AHNAK: variants seen among roughly 807,000 people sequenced by gnomAD.
AHNAK encodes the protein AHNAK nucleoprotein.
In AHNAK, 23 loss-of-function variants were observed where a neutral mutation model predicts 37.8. The ratio of observed to expected loss-of-function variants is 0.61; its 90% CI spans 0.44 to 0.86. The LOEUF is 0.86. AHNAK is among the 40% of genes least tolerant of loss of function. AHNAK has a pLI of 0.00. For missense variants in AHNAK, 7,411 were observed against 7,319.4 expected (o/e 1.01, Z -0.46); for synonymous variants, 2,481 against 2,636.3 (o/e 0.94, Z 1.80).
Position 62,520,148 on chromosome 11 carries a change from T to C in AHNAK, c.14269A>G (p.Ile4757Val), listed in dbSNP as rs1940181301. 1.2e-6 allele frequency: 2 copies of C among 1,613,046 alleles called. No homozygotes were observed. Among genetic ancestry groups the C allele is most frequent in the Non-Finnish European group, 1.7e-6 (2 of 1,179,790 alleles). Residue 4757 changes from isoleucine to valine, a missense_variant, in exon 5 of 5, where the codon ATC becomes GTC. By Grantham distance (29) the Ile-to-Val change is conservative. Coordinates refer to ENST00000378024, the MANE Select transcript of AHNAK (RefSeq NM_001620.3). ...EGDLKGPEAD[I>V]KGPKVDINTP... ...TTGATGTCCACTTTTGGGCCCTTGA[T>C]GTCAGCTTCTGGGCCCTTGAGGTCA...
intron 5 of AHNAK, among the ~76,000 whole-genome samples, chr11:62,472,467 AG>A (rs1481262499): frequency 6.6e-6 from 1 of 151,990 alleles, no homozygotes; most frequent in African/African-American, 2.4e-5. Flanking sequence ...AATGCCTGCC[AG>A]AAACCACCCC....
intron 1 of AHNAK, among the ~76,000 whole-genome samples, chr11:62,544,831 G>A (rs1173606703): frequency 6.6e-6 from 1 of 152,092 alleles, no homozygotes; most frequent in African/African-American, 2.4e-5. Context: ...CAGTATAGGT[G>A]CAGGGGCCCT....
Position 62,523,016 on chromosome 11 carries a change from G to T in AHNAK, c.11401C>A (p.His3801Asn). ...PDVDVQGPDW[H>N]LKMPKVKMPK... ...ATTTTCACCTTGGGCATCTTCAGGT[G>T]CCAGTCTGGGCCTTGAACATCAACA... The change falls in exon 5 of 5, where the codon CAC (histidine) becomes AAC (asparagine). Residue 3801 changes from histidine (H) to asparagine (N), a missense_variant. Transcript: ENST00000378024. 6.2e-7 allele frequency: 1 copy of T among 1,614,072 alleles called. No homozygotes were observed. The highest frequency in any genetic ancestry group is 8.5e-7 in the Non-Finnish European group (1 of 1,180,022).
At chr11:62,451,862 C>T (rs1165538328) in intron 5 of AHNAK, among the ~76,000 whole-genome samples, 1 of 135,172 alleles carries the variant, frequency 7.4e-6, no homozygotes, top group Non-Finnish European at 1.5e-5. Flanking sequence ...AGCTGGAGTT[C>T]AGTGGCAGGA....
intron 5 of AHNAK, among the ~76,000 whole-genome samples, chr11:62,457,229 TGAGGTCAGGA>T (rs1465123625): frequency 6.6e-6 from 1 of 151,760 alleles, no homozygotes; most frequent in Non-Finnish European, 1.5e-5. Context: ...AGGTGGATCA[TGAGGTCAGGA>T]GATCAAGACT....
rs537897323 is a variant in AHNAK at position 62,464,489 on chromosome 11, G to A, written c.442+27243C>T. ...TTGAGACCAGCCTGACCAACATGGCGAAATCCTGTCTCTACTAAAAATACA... is the reference window on the plus strand; with the variant it reads ...TTGAGACCAGCCTGACCAACATGGCAAAATCCTGTCTCTACTAAAAATACA... On this transcript the variant is annotated intron_variant, in intron 5 of 5. Transcript: ENST00000257247. Among the ~76,000 whole-genome samples, 45 of 152,164 alleles carry A rather than the reference G, an allele frequency of 3.0e-4. 1 individual carries two copies. The highest frequency in any genetic ancestry group is 1.1e-3 in the African/African-American group (45 of 41,580).
intron 5 of AHNAK, among the ~76,000 whole-genome samples, chr11:62,466,675 A>ATCTTGCCTCACTAGTTTATT (rs1938919078): frequency 6.6e-6 from 1 of 152,108 alleles, no homozygotes; most frequent in African/African-American, 2.4e-5. Flanking sequence ...CCATCATCGC[A>ATCTTGCCTCACTAGTTTATT]TCTTGCCTCA....
chr11:62,487,213 T>C (rs1333654847), intron 5 of AHNAK, among the ~76,000 whole-genome samples: 10 of 152,254 alleles, frequency 6.6e-5, no homozygotes, highest in African/African-American at 2.4e-5. Context: ...CAGGCACCAC[T>C]ATAAACGCTG....
intron 2 of AHNAK, 83 bp downstream of exon 2, chr11:62,536,386 G>A (rs1288864533): frequency 3.1e-5 from 10 of 324,328 alleles, no homozygotes; most frequent in Middle Eastern, 8.0e-4. Context: ...TGTCCCCCAC[G>A]GCCCCAGCCT....
At position 62,520,040 on chromosome 11, in the gene AHNAK, A is replaced by T. The variant is rs753114301; in HGVS notation, c.14377T>A (p.Phe4793Ile). ...VKMPKFSMPG[F>I]KGEGPDVDVS... ...TCCACATCTGGACCTTCTCCTTTGA[A>T]GCCAGGCATGCTGAATTTGGGCATT... The change falls in exon 5 of 5, where the codon TTC becomes ATC. Residue 4793 changes from phenylalanine (F) to isoleucine (I), a missense_variant. By Grantham distance (21) the Phe-to-Ile change is conservative. Transcript: ENST00000378024. 6.2e-7 allele frequency: 1 copy of T among 1,613,112 alleles called. No individual in the cohort carries two copies. The highest frequency in any genetic ancestry group is 2.2e-5 in the East Asian group (1 of 44,808).
At chr11:62,503,010 T>A (rs1157198639) in intron 4 of AHNAK, among the ~76,000 whole-genome samples, 15 of 152,220 alleles carry the variant, frequency 9.9e-5, no homozygotes, top group Admixed American at 9.8e-4. Context: ...TGTGAACCTA[T>A]GTACAGTTCA....
chr11:62,545,947 A>G (rs1363491379), intron 1 of AHNAK: 1 of 152,000 alleles, frequency 6.6e-6, no homozygotes, highest in Non-Finnish European at 1.5e-5. Flanking sequence ...CTCCTCGCCC[A>G]CCTCAGCATA....
intron 4 of AHNAK, among the ~76,000 whole-genome samples, chr11:62,501,900 G>C (rs1203405943): frequency 1.3e-5 from 2 of 152,160 alleles, no homozygotes; most frequent in African/African-American, 4.8e-5. Context: ...ATCCCAGCCA[G>C]GCTTTCCAGG....
rs146648419 is a variant in AHNAK at position 62,531,474 on chromosome 11, A to G, written c.2943T>C (p.Asp981=). The G allele has an allele frequency of 6.2e-7, 1 of 1,614,222 alleles. No homozygotes were observed. The highest frequency in any genetic ancestry group is 8.5e-7 in the Non-Finnish European group (1 of 1,180,034). Residue 981 remains aspartate (D), a synonymous_variant, in exon 5 of 5, where the codon GAT becomes GAC. Transcript: ENST00000378024. The part of the protein sequence containing the change: ...LEGDLKGPKV[D]VSAPDVEMQG... ...GCATTTCAACATCTGGGGCACTGACATCTACTTTTGGGCCTTTCAGGTCCC... is the reference window on the plus strand; with the variant it reads ...GCATTTCAACATCTGGGGCACTGACGTCTACTTTTGGGCCTTTCAGGTCCC...
At position 62,465,543 on chromosome 11, in the gene AHNAK, G is replaced by A. The variant is rs547788045; in HGVS notation, c.442+26189C>T. On this transcript the variant is annotated intron_variant, in intron 5 of 5. Coordinates refer to the AHNAK transcript ENST00000257247. ...CAGGAGAATCACTTGAACCCAGGAG[G>A]CGGAGGTTGCAGTGAGCCAAGATCG... Among the ~76,000 whole-genome samples the A allele has an allele frequency of 9.2e-5, 14 of 152,170 alleles. No homozygotes were observed. In the East Asian group the frequency reaches 2.5e-3, roughly 27 times the overall value.
In AHNAK at chr11:62,525,718, G is replaced by A; in HGVS notation, c.8699C>T (p.Pro2900Leu). ...TTTGAAGCCAGGCATGCTGAACTTG[G>A]GCATTTTCATCTTGGGCATCTTCAG... ...WHLKMPKMKM[P>L]KFSMPGFKAE... The change falls in exon 5 of 5, where the codon CCC becomes CTC. Residue 2900 changes from proline (P) to leucine (L), a missense_variant. Coordinates refer to ENST00000378024, the MANE Select transcript of AHNAK (RefSeq NM_001620.3). The A allele has an allele frequency of 1.2e-6, 2 of 1,613,162 alleles. No individual in the cohort carries two copies. Among genetic ancestry groups the A allele is most frequent in the Non-Finnish European group, 1.7e-6 (2 of 1,179,872 alleles).
Position 62,523,102 on chromosome 11 carries a change from C to G in AHNAK, c.11315G>C (p.Gly3772Ala), listed in dbSNP as rs760064461. The G allele has an allele frequency of 3.1e-6, 5 of 1,614,008 alleles. No homozygotes were observed. In the South Asian group the frequency reaches 5.5e-5, roughly 18 times the overall value. Residue 3772 changes from glycine to alanine, a missense_variant, in exon 5 of 5, where the codon GGT becomes GCT. Physicochemically the swap from Gly to Ala is moderately conservative, Grantham distance 60 (BLOSUM62 0). Transcript: ENST00000378024. ...GTCAACTTCAGGACCCTTGAGGTCACCTTCCATTTTGGGCAGAGAAACATC... is the reference window on the plus strand; with the variant it reads ...GTCAACTTCAGGACCCTTGAGGTCAGCTTCCATTTTGGGCAGAGAAACATC... ...DVDVSLPKMEGDLKGPEVDIK... is the reference protein window; with the variant it reads ...DVDVSLPKMEADLKGPEVDIK...
Position 62,520,992 on chromosome 11 carries a change from AC to A in AHNAK, c.13424del (p.Gly4475ValfsTer14). The A allele has an allele frequency of 6.2e-7, 1 of 1,612,704 alleles. No homozygotes were observed. The highest frequency in any genetic ancestry group is 8.5e-7 in the Non-Finnish European group (1 of 1,179,674). On this transcript the variant is annotated frameshift_variant, in exon 5 of 5. Transcript: ENST00000378024. LOFTEE classifies it low-confidence loss of function (END_TRUNC). ...DLHLKGPKVK[G>X]DVDVSLPKVE... ...CCTTAGGTAGTGAAACATCCACATC[AC>A]CCTTCACCTTGGGACCTTTCAGGTG... is the stretch of plus-strand genomic sequence containing the variant.
rs139856693 is a variant in AHNAK at position 62,458,395 on chromosome 11, A to G, written c.443-24504T>C. Among the ~76,000 whole-genome samples the G allele has an allele frequency of 1.0e-3, 152 of 152,224 alleles. 5 individuals carry two copies. The East Asian group carries it at 0.026, about 26-fold the overall frequency. ...ACTTGATCCCCTCACCAGAGGGGCC[A>G]CAGGATACAGTACAGAGTGCACCAC... On this transcript the variant is annotated intron_variant, in intron 5 of 5. Coordinates refer to the AHNAK transcript ENST00000257247.
Sources: allele counts gnomAD v4.1 joint callset (sites outside exome capture counted in the v4.1 genomes callset), GRCh38; gene constraint gnomAD v4.1.1; transcripts MANE v1.5; gene names NCBI Gene and HGNC (gene_info 2026-07-23, HGNC 2026-07-21).